COL3A1: variants seen among roughly 807,000 people sequenced by gnomAD.
COL3A1 encodes the protein collagen type III alpha 1 chain.
A neutral mutation model predicts 200.9 loss-of-function variants in COL3A1; 46 were observed. The ratio of observed to expected loss-of-function variants is 0.23; its 90% CI spans 0.18 to 0.29. COL3A1 has a LOEUF of 0.29. Ranked by LOEUF, COL3A1 falls within the 10% of genes least tolerant of loss-of-function variation. COL3A1 has a pLI of 1.00. For synonymous variants in COL3A1, 650 were observed against 628.0 expected, an observed-to-expected ratio of 1.03 and a Z score of -0.52; for missense variants, 1,367 against 1,917.6, an observed-to-expected ratio of 0.71 and a Z score of 5.36.
At position 188,994,627 on chromosome 2, in the gene COL3A1, T is replaced by A; in HGVS notation, c.1347+33T>A. The A allele has an allele frequency of 6.2e-7, 1 of 1,613,872 alleles. No individual in the cohort carries two copies. The highest frequency in any genetic ancestry group is 8.5e-7 in the Non-Finnish European group (1 of 1,179,846). On this transcript the variant is annotated intron_variant, in intron 19 of 50. Coordinates refer to ENST00000304636, the MANE Select transcript of COL3A1 (RefSeq NM_000090.4). This position sits in a 1 kb window ranked among gnomAD's most constrained non-coding sequence, Gnocchi z 4.5. ...TTACTGCAACAGATCTGGTTATTTC[T>A]TGAAAAAATGCAACATAATTAGAAA...
intron 15 of COL3A1, among the ~76,000 whole-genome samples, 175 bp from the exon 16 acceptor site, chr2:188,993,186 C>A (rs1262408202): frequency 6.6e-6 from 1 of 152,152 alleles, no homozygotes; most frequent in East Asian, 1.9e-4. Flanking sequence ...TGCAATCACA[C>A]ACACATAGTT....
rs28485155 is a variant in COL3A1, at chr2:189,012,433, G to A, written c.*659G>A. ...GCTGGTCAAGATTACTAATATTTGG[G>A]AAGGCTTTAAAGACGCATGTTATGG... On this transcript the variant is annotated 3_prime_UTR_variant, in exon 51 of 51. Transcript: ENST00000304636. 7.7e-4 allele frequency: 117 copies of A among 152,786 alleles called. No homozygotes were observed. Among genetic ancestry groups the A allele is most frequent in the African/African-American group, 2.7e-3 (111 of 41,548 alleles). The allele number at this position is 152,786 out of a possible 1,614,324, so 9.5% of individuals were successfully genotyped here. A position where few individuals can be genotyped will look rare whatever the true frequency, so the allele number is the denominator to read the frequency against.
Position 188,988,139 on chromosome 2 carries a change from G to GT in COL3A1, c.582+6dup. The GT allele has an allele frequency of 6.2e-7, 1 of 1,611,092 alleles. No homozygotes were observed. Among genetic ancestry groups the GT allele is most frequent in the Non-Finnish European group, 8.5e-7 (1 of 1,177,504 alleles). On this transcript the variant is annotated splice_donor_region_variant and intron_variant, in intron 6 of 50. Transcript: ENST00000304636. ...TCTGGTCATCCTGGTTCCCCTGTAA[G>GT]TATAGCCATTGGTGGTGTTTTCTTC...
intron 9 of COL3A1, 41 bp from the exon 10 acceptor site, chr2:188,990,266 A>C (rs371601474): frequency 6.0e-5 from 95 of 1,594,668 alleles, no homozygotes; most frequent in Non-Finnish European, 7.9e-5. Context: ...TTGTGATTCT[A>C]TTTGAAGGTT....
Position 188,997,730 on chromosome 2 carries a change from C to T in COL3A1, c.1900C>T (p.Pro634Ser), listed in dbSNP as rs762129273. The T allele has an allele frequency of 1.2e-5, 19 of 1,613,614 alleles. No individual in the cohort carries two copies. Among genetic ancestry groups the T allele is most frequent in the Non-Finnish European group, 1.6e-5 (19 of 1,179,600 alleles). ...GPGGDKGDTG[P>S]PGPQGLQGLP... ...TGGTGGTGACAAAGGAGACACAGGA[C>T]CCCCTGGTCCACAAGGATTACAAGT... is the stretch of plus-strand genomic sequence containing the variant. The change falls in exon 27 of 51, where the codon CCC (proline) becomes TCC (serine). Residue 634 changes from proline (P) to serine (S), a missense_variant. By Grantham distance (74) the Pro-to-Ser change is moderately conservative (BLOSUM62 -1). Transcript: ENST00000304636.
At chr2:188,977,888 A>AT (rs1687856601) in intron 1 of COL3A1, among the ~76,000 whole-genome samples, 1 of 151,998 alleles carries the variant, frequency 6.6e-6, no homozygotes, top group Admixed American at 6.6e-5. Flanking sequence ...TAGTACGTTA[A>AT]TTTTTTTAAA....
In COL3A1 at chr2:189,007,579, C is replaced by T; in HGVS notation, c.3335C>T (p.Pro1112Leu). The T allele has an allele frequency of 6.2e-7, 1 of 1,613,260 alleles. No individual in the cohort carries two copies. The highest frequency in any genetic ancestry group is 1.1e-5 in the South Asian group (1 of 90,854). The part of the protein sequence containing the change: ...AAGIKGHRGF[P>L]GNPGAPGSPG... ...GGCATCAAAGGACATCGAGGATTCC[C>T]TGGTAATCCAGGTGCCCCAGGTTCT... Residue 1112 changes from proline (P) to leucine (L), a missense_variant, in exon 45 of 51, where the codon CCT becomes CTT. Physicochemically the swap from Pro to Leu is moderately conservative, Grantham distance 98. Transcript: ENST00000304636.
Position 189,010,743 on chromosome 2 carries a change from A to G in COL3A1, c.4107A>G (p.Thr1369=). Residue 1369 remains threonine (T), a synonymous_variant, in exon 50 of 51, where the codon ACA becomes ACG. Transcript: ENST00000304636. ...CCAGCCGAGCTTCCCAGAACATCAC[A>G]TATCACTGCAAAAATAGCATTGCAT... ...LLSSRASQNI[T]YHCKNSIAYM... 6.2e-7 allele frequency: 1 copy of G among 1,614,178 alleles called. No individual in the cohort carries two copies. Among genetic ancestry groups the G allele is most frequent in the South Asian group, 1.1e-5 (1 of 91,088 alleles).
Position 188,994,619 on chromosome 2 carries a change from G to A in COL3A1, c.1347+25G>A, listed in dbSNP as rs111708979. ...CGTAAGTTTTACTGCAACAGATCTGGTTATTTCTTGAAAAAATGCAACATA... is the reference window on the plus strand; with the variant it reads ...CGTAAGTTTTACTGCAACAGATCTGATTATTTCTTGAAAAAATGCAACATA... On this transcript the variant is annotated intron_variant, in intron 19 of 50. Transcript: ENST00000304636. The surrounding 1 kb of genome is among the most constrained non-coding windows in gnomAD (Gnocchi z 4.5). 16 of 1,613,914 alleles carry A rather than the reference G, an allele frequency of 9.9e-6. 1 individual carries two copies. In the Middle Eastern group the frequency reaches 1.6e-3, roughly 166 times the overall value.
chr2:188,982,341 TG>T (rs1478137764), intron 1 of COL3A1, among the ~76,000 whole-genome samples: 2 of 151,820 alleles, frequency 1.3e-5, no homozygotes, highest in East Asian at 3.9e-4. Context: ...GTCAATATTG[TG>T]CTCATTTATT....
rs200541424 is a variant in COL3A1, at chr2:188,999,388, C to G, written c.2121+5C>G. 1.9e-6 allele frequency: 3 copies of G among 1,612,994 alleles called. No homozygotes were observed. The highest frequency in any genetic ancestry group is 2.7e-5 in the African/African-American group (2 of 75,014). ...CCTGGTCCCGAAGGAGGAAAGGTAA[C>G]TCCACAGCATTCCATTCACCTAGGT... On this transcript the variant is annotated splice_donor_5th_base_variant and intron_variant, in intron 30 of 50. Coordinates refer to ENST00000304636, the MANE Select transcript of COL3A1 (RefSeq NM_000090.4).
chr2:188,982,993 CTGTT>C (rs201813063), intron 1 of COL3A1, among the ~76,000 whole-genome samples: 1,942 of 151,966 alleles, frequency 0.013, 25 homozygotes, highest in Middle Eastern at 0.027. Context: ...GTGTAAATGA[CTGTT>C]TGCTCTTCTA....
rs565463542 is a variant in COL3A1 at position 189,011,935 on chromosome 2, C to A, written c.*161C>A. ...TTTGACAAAGAAAAATGATACTTCT[C>A]TTTTTTTGCTGTTCCACCAAATACA... is the stretch of plus-strand genomic sequence containing the variant. On this transcript the variant is annotated 3_prime_UTR_variant, in exon 51 of 51. Transcript: ENST00000304636. The A allele has an allele frequency of 2.5e-5, 19 of 747,496 alleles. No homozygotes were observed. In the South Asian group the frequency reaches 3.3e-4, roughly 13 times the overall value. 46.3% of individuals were successfully genotyped at this position (747,496 alleles called of 1,614,324 possible).
chr2:188,991,592 C>G (rs1688190157), intron 12 of COL3A1, 61 bp downstream of exon 12: 1 of 1,603,002 alleles, frequency 6.2e-7, no homozygotes. Flanking sequence ...TTACCTAAAA[C>G]TGGCTTTGCT....
intron 6 of COL3A1, 98 bp from the exon 7 acceptor site, chr2:188,988,492 T>C: frequency 1.2e-6 from 1 of 853,156 alleles, no homozygotes; most frequent in Non-Finnish European, 1.9e-6. Flanking sequence ...TAAAATTTGC[T>C]GATTACATTC....
At chr2:189,007,200 TA>T (rs1688613508) in intron 44 of COL3A1, among the ~76,000 whole-genome samples, 1 of 134,786 alleles carries the variant, frequency 7.4e-6, no homozygotes, top group Non-Finnish European at 1.6e-5. Flanking sequence ...GATAGATAGA[TA>T]GATAGATAGA....
Position 189,006,446 on chromosome 2 carries a change from A to G in COL3A1, c.3195A>G (p.Gly1065=). The G allele has an allele frequency of 6.2e-7, 1 of 1,613,914 alleles. No individual in the cohort carries two copies. Among genetic ancestry groups the G allele is most frequent in the Non-Finnish European group, 8.5e-7 (1 of 1,179,898 alleles). ...VGPAGKSGDR[G]ESGPAGPAGA... is the part of the protein sequence containing the mutation. ...CAGCTGGAAAGAGTGGTGACAGAGG[A>G]GAAAGTGTGAGTTCCCAAAAGCAGC... Residue 1065 remains glycine, a synonymous_variant, in exon 43 of 51, where the codon GGA becomes GGG. Transcript: ENST00000304636.
At chr2:189,003,350 T>C in intron 36 of COL3A1, 61 bp from the exon 37 acceptor site, 1 of 1,486,376 alleles carries the variant, frequency 6.7e-7, no homozygotes, top group Non-Finnish European at 9.4e-7. Flanking sequence ...AAAGGCTTAA[T>C]GCTTTTCCCA....
intron 5 of COL3A1, 94 bp downstream of exon 5, chr2:188,987,233 T>C (rs1688082125): frequency 1.9e-6 from 2 of 1,041,122 alleles, no homozygotes; most frequent in African/African-American, 3.1e-5. Flanking sequence ...TCAGTATTTT[T>C]ATGGAATTGT....
Sources: gnomAD v4.1 joint callset for allele counts (sites outside exome capture counted in the v4.1 genomes callset) on GRCh38, gnomAD v4.1.1 for gene constraint, Gnocchi (gnomAD v3.1) non-coding constraint, MANE v1.5 for transcripts, NCBI Gene and HGNC (gene_info 2026-07-23, HGNC 2026-07-21) for gene names.